Variants in CLYBL observed in about 807,000 individuals in gnomAD.
The protein encoded by CLYBL is citramalyl-CoA lyase, mitochondrial.
In CLYBL, 31 loss-of-function variants were observed where a neutral mutation model predicts 38.9. The observed-to-expected ratio is 0.80, with a 90% CI of 0.60 to 1.08. The LOEUF is 1.08. CLYBL is among the 50% of genes least tolerant of loss of function. The probability of loss-of-function intolerance (pLI) is 0.00; values close to 1 mark genes in which losing one functional copy is unlikely to be tolerated. For synonymous variants in CLYBL, 171 were observed against 158.6 expected, an observed-to-expected ratio of 1.08 and a Z score of -0.59; for missense variants, 434 against 411.6, an observed-to-expected ratio of 1.05 and a Z score of -0.47.
intron 1 of CLYBL, among the ~76,000 whole-genome samples, chr13:99,658,234 C>T (rs1340586929): frequency 6.6e-6 from 1 of 152,202 alleles, no homozygotes; most frequent in African/African-American, 2.4e-5. Context: ...CTTTTTGGCA[C>T]CAGCAGCTTC....
intron 2 of CLYBL, among the ~76,000 whole-genome samples, chr13:99,803,506 GAA>G (rs2050173947): frequency 1.3e-5 from 2 of 152,254 alleles, no homozygotes; most frequent in African/African-American, 4.8e-5. Flanking sequence ...AACTGCAGTG[GAA>G]AGCCTATGGG....
chr13:99,774,881 TC>T (rs2049478870), intron 2 of CLYBL, among the ~76,000 whole-genome samples: 1 of 152,156 alleles, frequency 6.6e-6, no homozygotes, highest in Non-Finnish European at 1.5e-5. Context: ...TTCCCATAAC[TC>T]ATGTAGTGCA....
chr13:99,759,224 A>G lies in CLYBL; in HGVS notation c.63-13600A>G, dbSNP rs532118243. Among the ~76,000 whole-genome samples, 21 of 152,364 alleles carry G rather than the reference A, an allele frequency of 1.4e-4. 1 individual carries two copies. In the South Asian group the frequency reaches 4.1e-3, roughly 30 times the overall value. On this transcript the variant is annotated intron_variant, in intron 1 of 8. Transcript: ENST00000339105. ...ACAAAATAACAAAATAGAGGCAATAAAGATAAATAAGAAGCTTTCATAGTC... is the reference window on the plus strand; with the variant it reads ...ACAAAATAACAAAATAGAGGCAATAGAGATAAATAAGAAGCTTTCATAGTC...
In CLYBL at chr13:99,876,564, G is replaced by T. The variant is rs114128275; in HGVS notation, c.927+5502G>T. On this transcript the variant is annotated intron_variant, in intron 7 of 8. Coordinates refer to ENST00000339105, the MANE Select transcript of CLYBL (RefSeq NM_206808.5). ...TCTTTATCCAGGTTCATATTTTTCC[G>T]GGTTTTATTTGCTCAATTTTGATTT... Among the ~76,000 whole-genome samples the T allele has an allele frequency of 5.4e-3, 819 of 151,512 alleles. 2 individuals are homozygous for T. Among genetic ancestry groups the T allele is most frequent in the South Asian group, 0.022 (104 of 4,784 alleles).
rs926600396 is a variant in CLYBL, at chr13:99,674,349, A to G, written c.62+67592A>G. Among the ~76,000 whole-genome samples, 53 of 151,756 alleles carry G rather than the reference A, an allele frequency of 3.5e-4. 1 individual carries two copies. Among genetic ancestry groups the G allele is most frequent in the African/African-American group, 9.2e-4 (38 of 41,364 alleles). On this transcript the variant is annotated intron_variant, in intron 1 of 8. Transcript: ENST00000339105. ...GTATTTTTAATAAAGACAGGGGTTC[A>G]CCATGTTGGCCAGGCTGGTCTCGAA...
At chr13:99,678,644 A>G (rs1487043045) in intron 1 of CLYBL, among the ~76,000 whole-genome samples, 2 of 152,244 alleles carry the variant, frequency 1.3e-5, no homozygotes, top group African/African-American at 2.4e-5. Flanking sequence ...ATTGTTAATT[A>G]TGCACCAATT....
chr13:99,775,788 C>G (rs1302893646), intron 2 of CLYBL, among the ~76,000 whole-genome samples: 2 of 152,104 alleles, frequency 1.3e-5, no homozygotes, highest in East Asian at 3.9e-4. Flanking sequence ...GGATTACAGG[C>G]ATAAGCCATG....
chr13:99,615,201 G>A (rs752680659), intron 1 of CLYBL, among the ~76,000 whole-genome samples: 6 of 152,150 alleles, frequency 3.9e-5, no homozygotes, highest in African/African-American at 9.7e-5. Flanking sequence ...TGATAGCTTC[G>A]GAACAGCCAC....
intron 1 of CLYBL, among the ~76,000 whole-genome samples, chr13:99,769,664 AAT>A (rs2049340992): frequency 6.6e-6 from 1 of 152,236 alleles, no homozygotes; most frequent in South Asian, 2.1e-4. Context: ...AGCTGGCAAT[AAT>A]ATGTTTTATA....
chr13:99,613,024 TGATAA>T (rs2046652790), intron 1 of CLYBL, among the ~76,000 whole-genome samples: 2 of 2,696 alleles, frequency 7.4e-4, no homozygotes, highest in Non-Finnish European at 2.0e-3. Context: ...AAAATAGTGA[TGATAA>T]TAATAATAAT....
At chr13:99,887,748 A>G (rs2052386395) in intron 7 of CLYBL, among the ~76,000 whole-genome samples, 1 of 152,286 alleles carries the variant, frequency 6.6e-6, no homozygotes, top group Admixed American at 6.5e-5. Flanking sequence ...GTGAAACCCA[A>G]GGATTCTACT....
At chr13:99,884,990 G>T in intron 7 of CLYBL, 2 of 485,504 alleles carry the variant, frequency 4.1e-6, no homozygotes, top group South Asian at 3.0e-5. Context: ...GGTCGGTATT[G>T]CTGCTCTTGG....
intron 1 of CLYBL, among the ~76,000 whole-genome samples, chr13:99,766,104 C>G (rs1366397575): frequency 1.3e-5 from 2 of 151,644 alleles, no homozygotes; most frequent in African/African-American, 4.9e-5. Context: ...CCTCCTGCTT[C>G]AGCCTCCCAA....
intron 1 of CLYBL, among the ~76,000 whole-genome samples, chr13:99,660,929 T>A (rs929992513): frequency 6.6e-6 from 1 of 152,188 alleles, no homozygotes; most frequent in African/African-American, 2.4e-5. Context: ...AGATGCAGTG[T>A]CCAAAAAAAT....
At chr13:99,648,509 ATGATAATC>A (rs2047208393) in intron 1 of CLYBL, among the ~76,000 whole-genome samples, 1 of 152,182 alleles carries the variant, frequency 6.6e-6, no homozygotes, top group Non-Finnish European at 1.5e-5. Context: ...ATACCTTATG[ATGATAATC>A]TGATTAGTGG....
chr13:99,761,167 C>A (rs2049157676), intron 1 of CLYBL, among the ~76,000 whole-genome samples: 1 of 152,142 alleles, frequency 6.6e-6, no homozygotes, highest in Non-Finnish European at 1.5e-5. Context: ...TCCTGGCTAA[C>A]ACAGTGAAAC....
At chr13:99,874,628 T>C (rs1392759241) in intron 7 of CLYBL, among the ~76,000 whole-genome samples, 1 of 152,166 alleles carries the variant, frequency 6.6e-6, no homozygotes, top group African/African-American at 2.4e-5. Context: ...TTGATATCAA[T>C]AGAAATAATT....
chr13:99,840,771 AAAAAAAAAAG>A lies in CLYBL; in HGVS notation c.250-18089_250-18080del, dbSNP rs1203673528. On this transcript the variant is annotated intron_variant, in intron 2 of 8. Coordinates refer to ENST00000339105, the MANE Select transcript of CLYBL (RefSeq NM_206808.5). ...GTCTCAAAAAAAAAAAAAAAAAAAA[AAAAAAAAAAG>A]GGTTACATATGCATATGAAAAAAGG... is the stretch of plus-strand genomic sequence containing the variant. 2.2e-3 allele frequency among the ~76,000 whole-genome samples: 332 copies of A among 147,844 alleles called. 5 individuals are homozygous for A. Among genetic ancestry groups the A allele is most frequent in the African/African-American group, 7.9e-3 (309 of 38,938 alleles).
chr13:99,662,556 G>T (rs2047424948), intron 1 of CLYBL, among the ~76,000 whole-genome samples: 1 of 132,954 alleles, frequency 7.5e-6, no homozygotes, highest in Non-Finnish European at 1.6e-5. Context: ...TAGTGAGTCA[G>T]AAACAAATAT....
Sources: allele counts gnomAD v4.1 joint callset (sites outside exome capture counted in the v4.1 genomes callset), GRCh38; gene constraint gnomAD v4.1.1; transcripts MANE v1.5; gene names NCBI Gene and HGNC (gene_info 2026-07-23, HGNC 2026-07-21).